The following FOXP1 variants were observed in gnomAD, a reference collection of about 807,000 sequenced individuals.
FOXP1 encodes forkhead box protein P1.
FOXP1 carries 15 observed loss-of-function variants against 98.2 expected under a neutral mutation model. The ratio of observed to expected loss-of-function variants is 0.15; its 90% CI spans 0.10 to 0.24. The LOEUF is 0.24. Among genes scored for constraint, FOXP1 ranks in the 10% least tolerant of loss-of-function variants. FOXP1 has a pLI of 1.00. For synonymous variants in FOXP1, 371 were observed against 314.5 expected (o/e 1.18, Z -1.90); for missense variants, 633 against 848.5 (o/e 0.75, Z 3.15).
At chr3:71,374,860 A>G (rs2079606393) in intron 3 of FOXP1, among the ~76,000 whole-genome samples, 2 of 152,182 alleles carry the variant, frequency 1.3e-5, no homozygotes, top group African/African-American at 4.8e-5. Flanking sequence ...AATGGTGTGA[A>G]AGTTGGCTTC....
intron 7 of FOXP1, among the ~76,000 whole-genome samples, chr3:71,069,525 G>C (rs115676483): frequency 2.1e-3 from 319 of 152,226 alleles, no homozygotes; most frequent in Non-Finnish European, 3.8e-3. Context: ...TTCTGCCATG[G>C]GGTTAGAACA....
intron 1 of FOXP1, among the ~76,000 whole-genome samples, chr3:71,583,238 A>C (rs540694249): frequency 1.1e-4 from 16 of 151,956 alleles, no homozygotes; most frequent in South Asian, 2.1e-4. Flanking sequence ...CACAGTCGCC[A>C]CCGCCCCCGC....
At chr3:71,550,880 C>T (rs1371074838) in intron 2 of FOXP1, among the ~76,000 whole-genome samples, 1 of 152,220 alleles carries the variant, frequency 6.6e-6, no homozygotes, top group African/African-American at 2.4e-5. Context: ...GAGAGGCCCC[C>T]TTCAAACAGA....
In FOXP1 at chr3:71,018,852, G is replaced by T. The variant is rs374614595; in HGVS notation, c.870-3199C>A. Among the ~76,000 whole-genome samples, 61 of 152,268 alleles carry T rather than the reference G, an allele frequency of 4.0e-4. 3 individuals carry two copies. Among genetic ancestry groups the T allele is most frequent in the East Asian group, 3.1e-3 (16 of 5,184 alleles). ...TTTGCACATTGTAGGAACTGTTGCTGTGCAATTGTTAATTTTTTTGCACAC... is the reference window on the plus strand; with the variant it reads ...TTTGCACATTGTAGGAACTGTTGCTTTGCAATTGTTAATTTTTTTGCACAC... On this transcript the variant is annotated intron_variant, in intron 11 of 20. Coordinates refer to ENST00000649528, the MANE Select transcript of FOXP1 (RefSeq NM_001349338.3).
intron 5 of FOXP1, among the ~76,000 whole-genome samples, chr3:71,296,690 T>C (rs2073331924): frequency 7.0e-6 from 1 of 143,206 alleles, no homozygotes; most frequent in South Asian, 2.2e-4. Context: ...TGGAAATGTG[T>C]CCCCTCCAAA....
intron 11 of FOXP1, among the ~76,000 whole-genome samples, chr3:71,033,832 AAAC>A (rs1243813068): frequency 6.6e-6 from 1 of 152,148 alleles, no homozygotes; most frequent in African/African-American, 2.4e-5. Context: ...GATGGCTGCC[AAAC>A]AACAGGCAGC....
rs2031482084 is a variant in FOXP1, at chr3:70,955,207, T to A, written c.*4040A>T. ...GAATATGGAAAAGAGAGGAAATATT[T>A]TTTAACTCTATTTTTTTTCATGAGG... On this transcript the variant is annotated 3_prime_UTR_variant, in exon 21 of 21. Transcript: ENST00000649528. 1 of 232,572 alleles carries A rather than the reference T, an allele frequency of 4.3e-6. No individual in the cohort carries two copies. The highest frequency in any genetic ancestry group is 1.8e-4 in the South Asian group (1 of 5,526). The allele number at this position is 232,572 out of a possible 1,614,324, so 14.4% of individuals were successfully genotyped here.
intron 5 of FOXP1, among the ~76,000 whole-genome samples, chr3:71,273,970 C>T (rs1164594357): frequency 2.0e-5 from 3 of 152,226 alleles, no homozygotes; most frequent in Non-Finnish European, 2.9e-5. Flanking sequence ...ACCCAATCCT[C>T]TAACATGTCT....
intron 11 of FOXP1, among the ~76,000 whole-genome samples, chr3:71,018,611 A>G (rs1293819648): frequency 6.6e-6 from 1 of 152,250 alleles, no homozygotes; most frequent in African/African-American, 2.4e-5. Flanking sequence ...TATTTAATAT[A>G]TAACTGGATA....
chr3:71,229,455 T>A (rs1438422193), intron 5 of FOXP1, among the ~76,000 whole-genome samples: 2 of 152,158 alleles, frequency 1.3e-5, no homozygotes, highest in African/African-American at 2.4e-5. Context: ...AATTCCCCAA[T>A]GAAACATAAT....
At chr3:71,195,025 G>A (rs1041796320) in intron 6 of FOXP1, among the ~76,000 whole-genome samples, 5 of 152,180 alleles carry the variant, frequency 3.3e-5, no homozygotes, top group African/African-American at 1.2e-4. Context: ...CTGCTGGTGG[G>A]AACGAGAGCA....
At chr3:71,054,568 A>G (rs1327456294) in intron 7 of FOXP1, among the ~76,000 whole-genome samples, 1 of 152,192 alleles carries the variant, frequency 6.6e-6, no homozygotes, top group Non-Finnish European at 1.5e-5. Flanking sequence ...AGGTTACACA[A>G]ATTGTATTCA....
intron 6 of FOXP1, among the ~76,000 whole-genome samples, chr3:71,192,259 T>G (rs143526830): frequency 6.6e-6 from 1 of 152,302 alleles, no homozygotes; most frequent in African/African-American, 2.4e-5. Context: ...GGTAGAATGG[T>G]ACGGCCAATC....
chr3:70,981,486 G>A (rs541181783), intron 14 of FOXP1, among the ~76,000 whole-genome samples: 7 of 152,288 alleles, frequency 4.6e-5, no homozygotes, highest in East Asian at 1.9e-4. Flanking sequence ...TAGGAGACGC[G>A]GATGGAGGTG....
intron 2 of FOXP1, among the ~76,000 whole-genome samples, chr3:71,542,605 T>C (rs779509808): frequency 3.3e-5 from 5 of 152,202 alleles, no homozygotes; most frequent in Non-Finnish European, 2.9e-5. Flanking sequence ...ACGACACAGT[T>C]CATGACTTTT....
chr3:71,287,336 T>C (rs2072258267), intron 5 of FOXP1, among the ~76,000 whole-genome samples: 1 of 151,260 alleles, frequency 6.6e-6, no homozygotes, highest in South Asian at 2.1e-4. Flanking sequence ...CCAGGCGTGG[T>C]GGCATGTGCC....
At chr3:71,323,759 A>G (rs980315653) in intron 4 of FOXP1, among the ~76,000 whole-genome samples, 1 of 152,194 alleles carries the variant, frequency 6.6e-6, no homozygotes, top group African/African-American at 2.4e-5. Context: ...TTTCCGTAAA[A>G]CTTCAACCTA....
At chr3:71,265,882 C>T (rs1454873479) in intron 5 of FOXP1, among the ~76,000 whole-genome samples, 1 of 152,156 alleles carries the variant, frequency 6.6e-6, no homozygotes, top group African/African-American at 2.4e-5. Context: ...TATCAAAAGG[C>T]AGGAGCTCAT....
chr3:71,327,022 C>G (rs1473739340), intron 4 of FOXP1, among the ~76,000 whole-genome samples: 1 of 152,108 alleles, frequency 6.6e-6, no homozygotes, highest in Non-Finnish European at 1.5e-5. Context: ...ATTCATATAG[C>G]TAATACATGG....
Sources: gnomAD v4.1 joint callset for allele counts (sites outside exome capture counted in the v4.1 genomes callset) on GRCh38, gnomAD v4.1.1 for gene constraint, MANE v1.5 for transcripts, NCBI Gene and HGNC (gene_info 2026-07-23, HGNC 2026-07-21) for gene names.